The following DCC variants were observed in gnomAD, a reference collection of about 807,000 sequenced individuals.
DCC encodes the protein DCC netrin 1 receptor.
In DCC, 58 loss-of-function variants were observed where a neutral mutation model predicts 172.5. That is an observed-to-expected ratio of 0.34 (90% confidence interval 0.27 to 0.42). The LOEUF (loss-of-function observed/expected upper bound fraction) is 0.42. Ranked by LOEUF, DCC falls within the 10% of genes least tolerant of loss-of-function variation. DCC has a pLI of 1.00. For missense variants in DCC, 1,740 were observed against 1,791.0 expected (o/e 0.97, Z 0.51); for synonymous variants, 709 against 644.5 (o/e 1.10, Z -1.52).
intron 2 of DCC, among the ~76,000 whole-genome samples, chr18:52,796,563 T>G (rs1225010484): frequency 1.3e-5 from 2 of 152,180 alleles, no homozygotes; most frequent in Non-Finnish European, 2.9e-5. Context: ...TTTTCCTTCA[T>G]TTTTGAAAGA....
chr18:52,867,214 T>G (rs533428753), intron 2 of DCC, among the ~76,000 whole-genome samples: 17 of 152,386 alleles, frequency 1.1e-4, no homozygotes, highest in African/African-American at 3.8e-4. Context: ...CAGCCTTGCA[T>G]CCCAGGGATG....
At chr18:53,271,913 A>G (rs1321173511) in intron 12 of DCC, among the ~76,000 whole-genome samples, 1 of 152,154 alleles carries the variant, frequency 6.6e-6, no homozygotes, top group East Asian at 1.9e-4. Flanking sequence ...GCCTATTTTT[A>G]TAGTTAATAG....
intron 25 of DCC, among the ~76,000 whole-genome samples, chr18:53,471,594 CT>C (rs1437559529): frequency 1.3e-5 from 2 of 152,176 alleles, no homozygotes; most frequent in African/African-American, 2.4e-5. Flanking sequence ...TTATCCCTCA[CT>C]TTATCTCCTA....
At position 53,446,114 on chromosome 18, in the gene DCC, AC is replaced by A. The variant is rs138063599; in HGVS notation, c.3230-4385del. On this transcript the variant is annotated intron_variant, in intron 22 of 28. Transcript: ENST00000442544. ...CTGTCTCTACAAAAAAAAAAAAAAAACAAAAAAAAACACTTAAAAATTTTCC... is the reference window on the plus strand; with the variant it reads ...CTGTCTCTACAAAAAAAAAAAAAAAAAAAAAAAAACACTTAAAAATTTTCC... Among the ~76,000 whole-genome samples, 144 of 136,562 alleles carry A rather than the reference AC, an allele frequency of 1.1e-3. 5 individuals carry two copies. The highest frequency in any genetic ancestry group is 3.2e-3 in the African/African-American group (103 of 31,878). The allele number at this position is 136,562 out of a possible 152,430, so 89.6% of individuals were successfully genotyped here.
At chr18:53,145,946 A>G (rs866039990) in intron 7 of DCC, among the ~76,000 whole-genome samples, 1 of 152,120 alleles carries the variant, frequency 6.6e-6, no homozygotes, top group South Asian at 2.1e-4. Flanking sequence ...AAAATACCAC[A>G]GACTGGGCCA....
At chr18:52,963,235 A>G (rs144508228) in intron 5 of DCC, among the ~76,000 whole-genome samples, 2,033 of 151,976 alleles carry the variant, frequency 0.013, 57 homozygotes, top group African/African-American at 0.047. Flanking sequence ...ATTTTTATCT[A>G]AAGATCTTTA....
intron 2 of DCC, among the ~76,000 whole-genome samples, chr18:52,868,089 G>GTGTA (rs1555675557): frequency 4.0e-4 from 60 of 149,566 alleles, no homozygotes; most frequent in Admixed American, 1.3e-3. Flanking sequence ...ATATATGTGT[G>GTGTA]TATATATATA....
chr18:53,148,907 A>T (rs1029987193), intron 7 of DCC, among the ~76,000 whole-genome samples: 1 of 111,552 alleles, frequency 9.0e-6, no homozygotes, highest in Admixed American at 1.1e-4. Context: ...TCTGTTGCCC[A>T]GGCTGGAGTG....
At chr18:52,502,417 T>G (rs939726733) in intron 1 of DCC, among the ~76,000 whole-genome samples, 2 of 152,186 alleles carry the variant, frequency 1.3e-5, no homozygotes, top group Admixed American at 1.3e-4. Flanking sequence ...CATCTTCAAA[T>G]ATCTTTGATT....
At chr18:53,286,878 A>G (rs1268263478) in intron 12 of DCC, among the ~76,000 whole-genome samples, 3 of 152,190 alleles carry the variant, frequency 2.0e-5, no homozygotes, top group Non-Finnish European at 2.9e-5. Flanking sequence ...TAAAGTGTCT[A>G]TCTGGAGTCT....
chr18:52,720,005 C>T (rs1324830203), intron 1 of DCC, among the ~76,000 whole-genome samples: 1 of 152,040 alleles, frequency 6.6e-6, no homozygotes, highest in Non-Finnish European at 1.5e-5. Context: ...GCTCTGAATT[C>T]TATTTTAAGA....
intron 11 of DCC, among the ~76,000 whole-genome samples, chr18:53,209,401 C>A (rs1205488239): frequency 6.6e-6 from 1 of 152,136 alleles, no homozygotes; most frequent in Non-Finnish European, 1.5e-5. Context: ...CTCTTTTCAG[C>A]AACAATTTCC....
Position 53,045,908 on chromosome 18 carries a change from A to C in DCC, c.986-17397A>C, listed in dbSNP as rs143615753. Among the ~76,000 whole-genome samples the C allele has an allele frequency of 1.7e-3, 262 of 152,032 alleles. 2 individuals are homozygous for C. The highest frequency in any genetic ancestry group is 6.0e-3 in the African/African-American group (248 of 41,538). On this transcript the variant is annotated intron_variant, in intron 5 of 28. Coordinates refer to ENST00000442544, the MANE Select transcript of DCC (RefSeq NM_005215.4). ...CAGCAAATGGTCAAAGACTGTTTTC[A>C]TCGACTGGGCAGGAAACCATTCAAG...
At chr18:52,739,221 T>C (rs1461668006) in intron 1 of DCC, among the ~76,000 whole-genome samples, 6 of 152,182 alleles carry the variant, frequency 3.9e-5, no homozygotes, top group African/African-American at 1.2e-4. Context: ...ATGCAGCTCA[T>C]GACTGTACTG....
At chr18:52,451,696 G>A (rs901308481) in intron 1 of DCC, among the ~76,000 whole-genome samples, 1 of 152,146 alleles carries the variant, frequency 6.6e-6, no homozygotes, top group African/African-American at 2.4e-5. Flanking sequence ...ATGTATGTGT[G>A]TGTGTGTGTG....
chr18:52,502,295 AAG>A, intron 1 of DCC, among the ~76,000 whole-genome samples: 1 of 152,332 alleles, frequency 6.6e-6, no homozygotes, highest in South Asian at 2.1e-4. Flanking sequence ...CTGCAGGGAC[AAG>A]AATATTGACT....
At chr18:52,903,695 G>A (rs2039840712) in intron 2 of DCC, among the ~76,000 whole-genome samples, 1 of 152,078 alleles carries the variant, frequency 6.6e-6, no homozygotes, top group Non-Finnish European at 1.5e-5. Flanking sequence ...TAAAATACTA[G>A]GGATGACAAC....
intron 15 of DCC, among the ~76,000 whole-genome samples, chr18:53,362,925 T>C (rs1045387724): frequency 2.6e-5 from 4 of 152,166 alleles, no homozygotes; most frequent in Non-Finnish European, 5.9e-5. Flanking sequence ...TGAATAACAC[T>C]TATTGAACAT....
chr18:52,696,588 T>C (rs2036015454), intron 1 of DCC, among the ~76,000 whole-genome samples: 2 of 152,198 alleles, frequency 1.3e-5, no homozygotes, highest in Non-Finnish European at 2.9e-5. Flanking sequence ...TGAGTCTATA[T>C]CTCTCTTGAG....
Sources: gnomAD v4.1 joint callset for allele counts (sites outside exome capture counted in the v4.1 genomes callset) on GRCh38, gnomAD v4.1.1 for gene constraint, MANE v1.5 for transcripts, NCBI Gene and HGNC (gene_info 2026-07-23, HGNC 2026-07-21) for gene names.